WDFY3: variants seen among roughly 807,000 people sequenced by gnomAD.
WDFY3 encodes WD repeat and FYVE domain-containing protein 3.
A neutral mutation model predicts 409.6 loss-of-function variants in WDFY3; 66 were observed. The observed-to-expected ratio is 0.16, with a 90% CI of 0.13 to 0.20. The LOEUF (loss-of-function observed/expected upper bound fraction) is 0.20. Among genes scored for constraint, WDFY3 ranks in the 10% least tolerant of loss-of-function variants. WDFY3 has a pLI of 1.00. For synonymous variants in WDFY3, 1,521 were observed against 1,537.1 expected (o/e 0.99, Z 0.25); for missense variants, 3,031 against 4,298.1 (o/e 0.71, Z 8.24).
At chr4:84,784,943 T>G in intron 24 of WDFY3, among the ~76,000 whole-genome samples, 1 of 146,034 alleles carries the variant, frequency 6.8e-6, no homozygotes, top group African/African-American at 2.6e-5. Flanking sequence ...ATCTGATCAC[T>G]TCTTATCACT....
Position 84,682,088 on chromosome 4 carries a change from T to C in WDFY3, c.9823+286A>G, listed in dbSNP as rs572850177. On this transcript the variant is annotated intron_variant, in intron 64 of 67. Coordinates refer to ENST00000295888, the MANE Select transcript of WDFY3 (RefSeq NM_014991.6). ...ACGCCCTCTAGGTCTGTTGTGTGTTTTCAGAAGTGAAAGCCAAAGCCTTTG... is the reference window on the plus strand; with the variant it reads ...ACGCCCTCTAGGTCTGTTGTGTGTTCTCAGAAGTGAAAGCCAAAGCCTTTG... Among the ~76,000 whole-genome samples the C allele has an allele frequency of 1.1e-3, 168 of 152,346 alleles. 2 individuals carry two copies. Among genetic ancestry groups the C allele is most frequent in the African/African-American group, 3.8e-3 (157 of 41,578 alleles).
chr4:84,862,216 T>C (rs1242657885), intron 3 of WDFY3, among the ~76,000 whole-genome samples: 1 of 152,198 alleles, frequency 6.6e-6, no homozygotes, highest in African/African-American at 2.4e-5. Flanking sequence ...GGACACGATG[T>C]AACTCATCAC....
chr4:84,749,156 T>C (rs1740042629), intron 36 of WDFY3, among the ~76,000 whole-genome samples: 4 of 152,210 alleles, frequency 2.6e-5, no homozygotes, highest in South Asian at 2.1e-4. Context: ...AAAGAAAGTG[T>C]TGGGATTACA....
intron 3 of WDFY3, among the ~76,000 whole-genome samples, chr4:84,883,961 T>C (rs1392475938): frequency 6.6e-6 from 1 of 152,162 alleles, no homozygotes; most frequent in African/African-American, 2.4e-5. Flanking sequence ...TATATATGTA[T>C]GTTTGTGGTG....
intron 1 of WDFY3, among the ~76,000 whole-genome samples, chr4:84,964,394 A>G (rs58074983): frequency 0.29 from 44,378 of 152,198 alleles, 6,618 homozygotes; most frequent in Admixed American, 0.33. Flanking sequence ...ACTCGGGCCC[A>G]GAAGTTCAAG....
At chr4:84,847,351 AG>A (rs951377646) in intron 5 of WDFY3, among the ~76,000 whole-genome samples, 8 of 152,174 alleles carry the variant, frequency 5.3e-5, no homozygotes, top group African/African-American at 1.9e-4. Flanking sequence ...CAGATGATCA[AG>A]GGTGAGACAT....
At chr4:84,691,547 G>T in intron 60 of WDFY3, 84 bp downstream of exon 60, 1 of 1,453,078 alleles carries the variant, frequency 6.9e-7, no homozygotes, top group Non-Finnish European at 9.3e-7. Context: ...CTTGGACTGG[G>T]TTCTCCCCAA....
At chr4:84,742,220 C>T (rs913453213) in intron 37 of WDFY3, among the ~76,000 whole-genome samples, 1 of 152,146 alleles carries the variant, frequency 6.6e-6, no homozygotes, top group Admixed American at 6.5e-5. Context: ...CACAGCTGTT[C>T]TCCATTTGAG....
chr4:84,817,961 T>C (rs1481214399), intron 12 of WDFY3, among the ~76,000 whole-genome samples: 3 of 152,160 alleles, frequency 2.0e-5, no homozygotes, highest in Non-Finnish European at 4.4e-5. Flanking sequence ...TAAATGAACA[T>C]GGCTTCCAAA....
chr4:84,680,381 C>CT (rs1727157090), intron 64 of WDFY3, among the ~76,000 whole-genome samples: 1 of 152,228 alleles, frequency 6.6e-6, no homozygotes, highest in African/African-American at 2.4e-5. Context: ...CCTCAACCTC[C>CT]TGAGCCCAGG....
At chr4:84,921,891 G>A (rs985891455) in intron 2 of WDFY3, among the ~76,000 whole-genome samples, 17 of 151,586 alleles carry the variant, frequency 1.1e-4, no homozygotes, top group Admixed American at 2.0e-4. Context: ...TCCTGACCTC[G>A]TGATCCACCT....
chr4:84,940,562 T>C (rs959639327), intron 1 of WDFY3, among the ~76,000 whole-genome samples: 1 of 152,084 alleles, frequency 6.6e-6, no homozygotes, highest in African/African-American at 2.4e-5. Flanking sequence ...CAAGCATATA[T>C]ATGTATGTGT....
intron 50 of WDFY3, among the ~76,000 whole-genome samples, chr4:84,714,933 G>A (rs1434117680): frequency 1.5e-5 from 2 of 136,926 alleles, no homozygotes; most frequent in African/African-American, 2.8e-5. Context: ...CTGGGCGACA[G>A]AACGAGACTC....
intron 4 of WDFY3, among the ~76,000 whole-genome samples, chr4:84,853,772 T>C (rs1029813281): frequency 1.3e-5 from 2 of 152,206 alleles, no homozygotes; most frequent in African/African-American, 4.8e-5. Context: ...AAAACTGGCT[T>C]GAATTTACCA....
chr4:84,879,183 C>T (rs892269426), intron 3 of WDFY3, among the ~76,000 whole-genome samples: 1 of 152,136 alleles, frequency 6.6e-6, no homozygotes, highest in South Asian at 2.1e-4. Context: ...ATGCTCATAC[C>T]ACATCACCTA....
chr4:84,783,719 C>T (rs975843271), intron 24 of WDFY3, among the ~76,000 whole-genome samples: 1 of 152,174 alleles, frequency 6.6e-6, no homozygotes, highest in Non-Finnish European at 1.5e-5. Flanking sequence ...ATAGATAAAA[C>T]ATGCCTACAT....
rs1745327244 is a variant in WDFY3 at position 84,775,107 on chromosome 4, A to G, written c.4550T>C (p.Leu1517Pro). 1 of 1,613,492 alleles carries G rather than the reference A, an allele frequency of 6.2e-7. No individual in the cohort carries two copies. Among genetic ancestry groups the G allele is most frequent in the Non-Finnish European group, 8.5e-7 (1 of 1,179,864 alleles). ...VWLHAPYELH[L>P]SLFEHFIELL... Reference sequence around the variant, plus strand: ...TTCAATAAAGTGTTCAAATAAGGAAAGATGAAGTTCATATGGTGCATGGAG... The same window carrying G: ...TTCAATAAAGTGTTCAAATAAGGAAGGATGAAGTTCATATGGTGCATGGAG... The change falls in exon 28 of 68, where the codon CTT becomes CCT. Residue 1517 changes from leucine to proline, a missense_variant. By Grantham distance (98) the Leu-to-Pro change is moderately conservative. Transcript: ENST00000295888.
rs991595563 is a variant in WDFY3 at position 84,705,571 on chromosome 4, T to G, written c.8218-60A>C. On this transcript the variant is annotated intron_variant, in intron 53 of 67. Coordinates refer to ENST00000295888, the MANE Select transcript of WDFY3 (RefSeq NM_014991.6). ...TATACACTATCTAGCCTCACTAACGTAGATACAGTGGCTGTTGTGGATGAT... is the reference window on the plus strand; with the variant it reads ...TATACACTATCTAGCCTCACTAACGGAGATACAGTGGCTGTTGTGGATGAT... 8.4e-6 allele frequency: 11 copies of G among 1,305,734 alleles called. No homozygotes were observed. The African/African-American group carries it at 1.0e-4, about 12-fold the overall frequency. The allele number at this position is 1,305,734 out of a possible 1,614,324, so 80.9% of individuals were successfully genotyped here.
intron 29 of WDFY3, 71 bp from the exon 30 acceptor site, chr4:84,773,000 G>C (rs1013666588): frequency 1.4e-5 from 16 of 1,105,836 alleles, no homozygotes; most frequent in East Asian, 3.0e-5. Flanking sequence ...AAAGTACAAA[G>C]AAACAAAATA....
Sources: allele counts gnomAD v4.1 joint callset (sites outside exome capture counted in the v4.1 genomes callset), GRCh38; gene constraint gnomAD v4.1.1; transcripts MANE v1.5; gene names NCBI Gene and HGNC (gene_info 2026-07-23, HGNC 2026-07-21).